CFAP46: variants seen among roughly 807,000 people sequenced by gnomAD.
The protein encoded by CFAP46 is cilia- and flagella-associated protein 46.
Under a neutral mutation model 325.7 loss-of-function variants are expected in CFAP46, and 245 were observed. The ratio of observed to expected loss-of-function variants is 0.75; its 90% CI spans 0.68 to 0.84. The LOEUF (loss-of-function observed/expected upper bound fraction) is 0.84. Among genes scored for constraint, CFAP46 ranks in the 40% least tolerant of loss-of-function variants. The pLI, the probability that CFAP46 is intolerant of heterozygous loss-of-function variation, is 0.00. For synonymous variants in CFAP46, 1,523 were observed against 1,495.9 expected (o/e 1.02, Z -0.42); for missense variants, 3,346 against 3,543.0 (o/e 0.94, Z 1.41).
chr10:132,837,262 C>G (rs528494026), intron 44 of CFAP46, among the ~76,000 whole-genome samples: 2 of 152,372 alleles, frequency 1.3e-5, no homozygotes, highest in East Asian at 1.9e-4. Flanking sequence ...GGTGCCTTTC[C>G]CTCCATCCTT....
chr10:132,925,536 A>G (rs578087343), intron 10 of CFAP46, among the ~76,000 whole-genome samples: 1 of 152,384 alleles, frequency 6.6e-6, no homozygotes, highest in Admixed American at 6.5e-5. Flanking sequence ...CACAACCCAC[A>G]GCGCCACAGC....
intron 24 of CFAP46, among the ~76,000 whole-genome samples, chr10:132,897,470 G>A (rs979799814): frequency 3.9e-5 from 6 of 152,194 alleles, no homozygotes; most frequent in Admixed American, 2.0e-4. Flanking sequence ...GCCGCACACC[G>A]CAGGTTGGTA....
rs1428574428 is a variant in CFAP46 at position 132,918,497 on chromosome 10, C to T, written c.1882G>A (p.Gly628Ser). ...RRGKKKRGRD[G>S]SVQDTWSQPE... ...TGGCTCCAGGTGTCCTGCACCGAGC[C>T]GTCCCTACCTCGCTTCTTCTTCCCT... The change falls in exon 16 of 58, where the codon GGC (glycine) becomes AGC (serine). Residue 628 changes from glycine to serine, a missense_variant. Physicochemically the swap from Gly to Ser is moderately conservative, Grantham distance 56 (BLOSUM62 0). Transcript: ENST00000368586. 1.0e-5 allele frequency: 16 copies of T among 1,528,596 alleles called. No homozygotes were observed. The highest frequency in any genetic ancestry group is 5.0e-5 in the East Asian group (2 of 40,252). The allele number at this position is 1,528,596 out of a possible 1,614,324, so 94.7% of individuals were successfully genotyped here.
intron 8 of CFAP46, among the ~76,000 whole-genome samples, chr10:132,933,253 G>T (rs1369815013): frequency 6.6e-6 from 1 of 152,082 alleles, no homozygotes; most frequent in South Asian, 2.1e-4. Flanking sequence ...GTCCTGGCAG[G>T]CCTGGCATCA....
intron 50 of CFAP46, among the ~76,000 whole-genome samples, chr10:132,822,478 GTGTGTGCTGTGTGTGCTGA>G (rs1847882665): frequency 7.3e-6 from 1 of 136,328 alleles, no homozygotes; most frequent in African/African-American, 2.8e-5. Flanking sequence ...GATGTGTGCT[GTGTGTGCTGTGTGTGCTGA>G]TGTGTGCTGT....
intron 48 of CFAP46, 39 bp from the exon 49 acceptor site, chr10:132,834,162 G>A (rs889559554): frequency 6.3e-7 from 1 of 1,592,174 alleles, no homozygotes; most frequent in South Asian, 1.1e-5. Context: ...AAGAAACAGA[G>A]ATAACAAACG....
Position 132,924,805 on chromosome 10 carries a change from C to A in CFAP46, c.1147G>T (p.Val383Leu). 2 of 1,494,232 alleles carry A rather than the reference C, an allele frequency of 1.3e-6. No individual in the cohort carries two copies. The highest frequency in any genetic ancestry group is 1.8e-6 in the Non-Finnish European group (2 of 1,119,764). 92.6% of individuals were successfully genotyped at this position (1,494,232 alleles called of 1,614,324 possible). ...RLGDPRVIHV[V>L]CATQWNTCLP... ...CAGGTGTTCCACTGCGTGGCGCACA[C>A]CACGTGGATGACCCGGGGGTCGCCC... The change falls in exon 11 of 58, where the codon GTG becomes TTG. Residue 383 changes from valine to leucine, a missense_variant. By Grantham distance (32) the Val-to-Leu change is conservative (BLOSUM62 1). Transcript: ENST00000368586.
At chr10:132,934,050 C>T (rs1393992880) in intron 8 of CFAP46, among the ~76,000 whole-genome samples, 5 of 152,232 alleles carry the variant, frequency 3.3e-5, no homozygotes, top group Non-Finnish European at 5.9e-5. Context: ...TGTGTTGTTT[C>T]AAGCTCCTAA....
chr10:132,844,923 G>C (rs1848409164), intron 44 of CFAP46, among the ~76,000 whole-genome samples: 1 of 152,114 alleles, frequency 6.6e-6, no homozygotes, highest in Non-Finnish European at 1.5e-5. Flanking sequence ...GCACTATCAT[G>C]GCTCACTGCA....
At position 132,942,405 on chromosome 10, in the gene CFAP46, G is replaced by C. The variant is rs919957023; in HGVS notation, c.49+31C>G. The stretch of plus-strand genomic sequence containing the variant: ...TCGTGGCGGGTCCCGGGGCCTCCCC[G>C]GGGCGGGGGTCGTGGCGGGCCTGGG... On this transcript the variant is annotated intron_variant, in intron 1 of 57. Coordinates refer to ENST00000368586, the MANE Select transcript of CFAP46 (RefSeq NM_001200049.3). The C allele has an allele frequency of 4.5e-5, 61 of 1,362,020 alleles. No homozygotes were observed. In the African/African-American group the frequency reaches 8.1e-4, roughly 18 times the overall value. 84.4% of individuals were successfully genotyped at this position (1,362,020 alleles called of 1,614,324 possible). A position where few individuals can be genotyped will look rare whatever the true frequency, so the allele number is the denominator to read the frequency against.
At chr10:132,821,610 CGCTG>C (rs1847832543) in intron 50 of CFAP46, among the ~76,000 whole-genome samples, 1 of 87,386 alleles carries the variant, frequency 1.1e-5, no homozygotes, top group Admixed American at 1.4e-4. Context: ...GCTGTGTGTG[CGCTG>C]ATGTGTGCTG....
intron 9 of CFAP46, among the ~76,000 whole-genome samples, chr10:132,927,512 C>T (rs1327040085): frequency 2.0e-5 from 3 of 152,228 alleles, no homozygotes; most frequent in African/African-American, 7.2e-5. Context: ...GCCTCGGTGC[C>T]GGCCAGGATG....
Position 132,827,182 on chromosome 10 carries a change from C to G in CFAP46, c.7117+6176G>C, listed in dbSNP as rs1296945527. Among the ~76,000 whole-genome samples, 1 of 152,086 alleles carries G rather than the reference C, an allele frequency of 6.6e-6. No homozygotes were observed. The highest frequency in any genetic ancestry group is 1.5e-5 in the Non-Finnish European group (1 of 68,014). The stretch of plus-strand genomic sequence containing the variant: ...TGAGCCACCCTCCTGCCATGCAGGG[C>G]AGACACAACCCCACACGGTGCTCGT... On this transcript the variant is annotated intron_variant, in intron 50 of 57. Coordinates refer to ENST00000368586, the MANE Select transcript of CFAP46 (RefSeq NM_001200049.3). The surrounding 1 kb of genome is among the most constrained non-coding windows in gnomAD (Gnocchi z 5.7).
At position 132,828,145 on chromosome 10, in the gene CFAP46, C is replaced by A. The variant is rs550987413; in HGVS notation, c.7117+5213G>T. Among the ~76,000 whole-genome samples, 2 of 152,340 alleles carry A rather than the reference C, an allele frequency of 1.3e-5. No individual in the cohort carries two copies. Among genetic ancestry groups the A allele is most frequent in the East Asian group, 3.9e-4 (2 of 5,188 alleles). On this transcript the variant is annotated intron_variant, in intron 50 of 57. Coordinates refer to ENST00000368586, the MANE Select transcript of CFAP46 (RefSeq NM_001200049.3). This position sits in a 1 kb window ranked among gnomAD's most constrained non-coding sequence, Gnocchi z 4.9. ...CTTTCTGTGGTTTCCCGGTTTAGGT[C>A]ATTGCAGATAACGCTGCTGTAAACA...
chr10:132,879,593 C>T lies in CFAP46; in HGVS notation c.3838G>A (p.Val1280Met), dbSNP rs756505888. The change falls in exon 29 of 58, where the codon GTG (valine) becomes ATG (methionine). Residue 1280 changes from valine (V) to methionine (M), a missense_variant. Transcript: ENST00000368586. ...GACACCGCCTCCTCGGCCTCGGACA[C>T]GGGGCTCCGTGGGGGCATCTCCACA... ...VAVEMPPRSP[V>M]SEAEEAVSLE... 1.2e-4 allele frequency: 179 copies of T among 1,545,058 alleles called. 1 individual carries two copies. Among genetic ancestry groups the T allele is most frequent in the South Asian group, 3.2e-4 (27 of 83,584 alleles).
chr10:132,929,472 T>G (rs374044603), intron 9 of CFAP46: 29 of 757,102 alleles, frequency 3.8e-5, no homozygotes, highest in Admixed American at 1.1e-4. Flanking sequence ...ACTGTGGTGC[T>G]GTGGACCCGT....
chr10:132,891,376 G>A (rs1486585881), intron 25 of CFAP46, among the ~76,000 whole-genome samples: 2 of 152,226 alleles, frequency 1.3e-5, no homozygotes, highest in African/African-American at 2.4e-5. Flanking sequence ...TCCCTTTGGA[G>A]CTCAGGCACA....
chr10:132,814,744 G>GC lies in CFAP46; in HGVS notation c.7190dup (p.Ser2398GlnfsTer9), dbSNP rs1847658909. On this transcript the variant is annotated frameshift_variant and splice_region_variant, in exon 52 of 58. Coordinates refer to ENST00000368586, the MANE Select transcript of CFAP46 (RefSeq NM_001200049.3). LOFTEE classifies it high-confidence loss of function. ...CAGGGGGGATGGTCCGGGGGATGCT[G>GC]CCCTGCAACCACAGACCAGGGTCAG... The GC allele has an allele frequency of 1.2e-6, 2 of 1,613,578 alleles. No individual in the cohort carries two copies. Among genetic ancestry groups the GC allele is most frequent in the South Asian group, 2.2e-5 (2 of 91,066 alleles).
At chr10:132,815,667 T>A (rs1416852509) in intron 50 of CFAP46, among the ~76,000 whole-genome samples, 1 of 152,196 alleles carries the variant, frequency 6.6e-6, no homozygotes, top group Non-Finnish European at 1.5e-5. Context: ...ATGCCTGTAA[T>A]CCCAGTGTTT....
Sources: allele counts gnomAD v4.1 joint callset (sites outside exome capture counted in the v4.1 genomes callset), GRCh38; gene constraint gnomAD v4.1.1; non-coding constraint Gnocchi (gnomAD v3.1); transcripts MANE v1.5; gene names NCBI Gene and HGNC (gene_info 2026-07-23, HGNC 2026-07-21).